The following SYT6 variants were observed in gnomAD, a reference collection of about 807,000 sequenced individuals.
SYT6 encodes the protein synaptotagmin-6.
In SYT6, 24 loss-of-function variants were observed where a neutral mutation model predicts 38.4. The observed-to-expected ratio is 0.62, with a 90% confidence interval of 0.45 to 0.88. SYT6 has a LOEUF of 0.88. SYT6 is among the 40% of genes least tolerant of loss of function. The probability of loss-of-function intolerance (pLI) is 0.00; values close to 1 mark genes in which losing one functional copy is unlikely to be tolerated. For synonymous variants in SYT6, 265 were observed against 241.9 expected, an observed-to-expected ratio of 1.10 and a Z score of -0.89; for missense variants, 611 against 621.0, an observed-to-expected ratio of 0.98 and a Z score of 0.17.
rs6691744 is a variant in SYT6 at position 114,150,403 on chromosome 1, A to G, written c.163+3207T>C. ...ATATCATCTCCTTGGGTTCTAAAGG[A>G]TTGTGCATTGTACCTTTCCTCAAAA... On this transcript the variant is annotated intron_variant, in intron 1 of 7. Transcript: ENST00000610222. Among the ~76,000 whole-genome samples, 883 of 152,300 alleles carry G rather than the reference A, an allele frequency of 5.8e-3. 6 individuals are homozygous for G. The highest frequency in any genetic ancestry group is 0.02 in the African/African-American group (843 of 41,550).
At chr1:114,127,231 A>C (rs2101055720) in intron 3 of SYT6, among the ~76,000 whole-genome samples, 1 of 152,290 alleles carries the variant, frequency 6.6e-6, no homozygotes, top group Middle Eastern at 3.4e-3. Context: ...CAGCAGGAAC[A>C]GTTTGTGGAC....
intron 6 of SYT6, among the ~76,000 whole-genome samples, chr1:114,094,111 T>C (rs1571808592): frequency 6.6e-6 from 1 of 151,868 alleles, no homozygotes; most frequent in South Asian, 2.1e-4. Context: ...GCCCAAAGAG[T>C]AGTAGCAGGG....
At chr1:114,153,509 A>T (rs1433447852) in intron 1 of SYT6, 101 bp downstream of exon 1, 1 of 552,236 alleles carries the variant, frequency 1.8e-6, no homozygotes, top group Non-Finnish European at 3.2e-6. Context: ...CGAGCTGGGG[A>T]GTTCTCTCTA....
At chr1:114,104,276 T>C (rs1676143911) in intron 3 of SYT6, among the ~76,000 whole-genome samples, 1 of 152,212 alleles carries the variant, frequency 6.6e-6, no homozygotes, top group Admixed American at 6.5e-5. Context: ...ACACTTTCCA[T>C]CCCATCTGAT....
At chr1:114,140,554 T>G (rs1288849679) in intron 1 of SYT6, among the ~76,000 whole-genome samples, 1 of 152,160 alleles carries the variant, frequency 6.6e-6, no homozygotes, top group Non-Finnish European at 1.5e-5. Context: ...TGAATGAGAT[T>G]GAGCATAATC....
intron 3 of SYT6, among the ~76,000 whole-genome samples, chr1:114,104,232 G>T (rs888226717): frequency 1.3e-5 from 2 of 152,212 alleles, no homozygotes; most frequent in African/African-American, 4.8e-5. Context: ...CAGTGCAGTT[G>T]TTCTTTGTCA....
At chr1:114,151,548 C>T (rs1398619047) in intron 1 of SYT6, among the ~76,000 whole-genome samples, 3 of 152,178 alleles carry the variant, frequency 2.0e-5, no homozygotes, top group Admixed American at 2.0e-4. Flanking sequence ...CAGCCCTGCC[C>T]CACTTCCAGC....
Position 114,137,580 on chromosome 1 carries a change from C to A in SYT6, c.986G>T (p.Gly329Val). The stretch of plus-strand genomic sequence containing the variant: ...AAAGAGGTTGTCCAGGATGACCTCG[C>A]CAATCATGTCATGGCGGGAGAAGCG... The part of the protein sequence containing the change: ...FDRFSRHDMI[G>V]EVILDNLFEA... Residue 329 changes from glycine to valine, a missense_variant, in exon 3 of 8, where the codon GGC (glycine) becomes GTC (valine). Transcript: ENST00000610222. 6.2e-7 allele frequency: 1 copy of A among 1,614,188 alleles called. No individual in the cohort carries two copies. Among genetic ancestry groups the A allele is most frequent in the South Asian group, 1.1e-5 (1 of 91,070 alleles).
chr1:114,115,408 T>C (rs1446572828), intron 3 of SYT6, among the ~76,000 whole-genome samples: 5 of 151,778 alleles, frequency 3.3e-5, no homozygotes, highest in Non-Finnish European at 4.4e-5. Flanking sequence ...AGGCACTATG[T>C]TGGGTACTTA....
chr1:114,113,066 C>T (rs757241059), intron 3 of SYT6, among the ~76,000 whole-genome samples: 5 of 152,182 alleles, frequency 3.3e-5, no homozygotes, highest in African/African-American at 1.2e-4. Context: ...GCCTGCACTG[C>T]GTGACAGTGG....
At chr1:114,142,709 G>T (rs1678928409) in intron 1 of SYT6, among the ~76,000 whole-genome samples, 1 of 152,188 alleles carries the variant, frequency 6.6e-6, no homozygotes, top group African/African-American at 2.4e-5. Context: ...TTAAGAAATT[G>T]CCACAGCCAC....
intron 1 of SYT6, among the ~76,000 whole-genome samples, chr1:114,142,513 A>T (rs1402493224): frequency 1.3e-5 from 2 of 152,236 alleles, no homozygotes; most frequent in African/African-American, 4.8e-5. Context: ...TGAAATGACC[A>T]CAAAGGACTT....
chr1:114,150,829 G>A (rs1410084070), intron 1 of SYT6, among the ~76,000 whole-genome samples: 1 of 152,296 alleles, frequency 6.6e-6, no homozygotes, highest in Admixed American at 6.5e-5. Context: ...TTGTGTACAG[G>A]TGTTTCCAAG....
At chr1:114,107,007 G>A (rs908701554) in intron 3 of SYT6, among the ~76,000 whole-genome samples, 4 of 152,182 alleles carry the variant, frequency 2.6e-5, no homozygotes, top group Non-Finnish European at 4.4e-5. Flanking sequence ...GGTTCTTCAC[G>A]CAGTGTTATG....
intron 1 of SYT6, among the ~76,000 whole-genome samples, chr1:114,149,222 T>TGTGTGTGTGTGTGTGTGTGTGTGCGC (rs769842650): frequency 1.7e-5 from 2 of 118,122 alleles, no homozygotes; most frequent in South Asian, 4.6e-4. Flanking sequence ...AGAGATTGTG[T>TGTGTGTGTGTGTGTGTGTGTGTGCGC]GTGTGTGTGT....
intron 1 of SYT6, among the ~76,000 whole-genome samples, chr1:114,144,325 T>G (rs984520462): frequency 6.6e-6 from 1 of 152,160 alleles, no homozygotes; most frequent in East Asian, 1.9e-4. Flanking sequence ...TCTTACTATT[T>G]AAGGTAAGAA....
intron 3 of SYT6, among the ~76,000 whole-genome samples, chr1:114,132,308 G>T (rs983209493): frequency 8.5e-5 from 13 of 152,194 alleles, no homozygotes; most frequent in Non-Finnish European, 1.5e-4. Flanking sequence ...CCTCCCCTGT[G>T]GCAGAAACCT....
intron 6 of SYT6, among the ~76,000 whole-genome samples, chr1:114,094,621 C>A (rs1675519749): frequency 6.6e-6 from 1 of 152,114 alleles, no homozygotes; most frequent in African/African-American, 2.4e-5. Flanking sequence ...TTATTTTGAG[C>A]CCCAAACAAG....
intron 1 of SYT6, among the ~76,000 whole-genome samples, chr1:114,145,448 C>A (rs1679105081): frequency 6.6e-6 from 1 of 150,700 alleles, no homozygotes; most frequent in Admixed American, 6.6e-5. Context: ...AGTATCACCT[C>A]TGTGGAACAT....
Sources: allele counts gnomAD v4.1 joint callset (sites outside exome capture counted in the v4.1 genomes callset), GRCh38; gene constraint gnomAD v4.1.1; transcripts MANE v1.5; gene names NCBI Gene and HGNC (gene_info 2026-07-23, HGNC 2026-07-21).